TBC1D5: variants seen among roughly 807,000 people sequenced by gnomAD.
TBC1D5 encodes TBC1 domain family, member 5.
Under a neutral mutation model 100.3 loss-of-function variants are expected in TBC1D5, and 75 were observed. That is an observed-to-expected ratio of 0.75 (90% CI 0.62 to 0.91). The LOEUF (loss-of-function observed/expected upper bound fraction) is 0.91, where lower values mean the gene tolerates loss of function less well. Ranked by LOEUF, TBC1D5 falls within the 40% of genes least tolerant of loss-of-function variation. TBC1D5 has a pLI of 0.00. For missense variants in TBC1D5, 910 were observed against 942.4 expected, an observed-to-expected ratio of 0.97 and a Z score of 0.45; for synonymous variants, 323 against 325.6, an observed-to-expected ratio of 0.99 and a Z score of 0.09.
At chr3:17,331,753 A>C (rs2086890067) in intron 13 of TBC1D5, among the ~76,000 whole-genome samples, 1 of 152,242 alleles carries the variant, frequency 6.6e-6, no homozygotes, top group African/African-American at 2.4e-5. Context: ...AATCATAAAC[A>C]AAGTGAGGGA....
intron 19 of TBC1D5, among the ~76,000 whole-genome samples, chr3:17,182,951 CA>C (rs1005473628): frequency 2.6e-5 from 4 of 152,050 alleles, no homozygotes; most frequent in African/African-American, 9.7e-5. Context: ...TCTTTAAACG[CA>C]ATCTTTACCT....
chr3:17,447,008 A>G (rs2094814638), intron 3 of TBC1D5, among the ~76,000 whole-genome samples: 3 of 152,096 alleles, frequency 2.0e-5, no homozygotes, highest in African/African-American at 7.2e-5. Flanking sequence ...CATAAGAAAC[A>G]AGGAATACCA....
chr3:17,580,504 CTTA>C (rs2096686982), intron 2 of TBC1D5, among the ~76,000 whole-genome samples: 1 of 152,176 alleles, frequency 6.6e-6, no homozygotes. Flanking sequence ...CGCCTTCCTT[CTTA>C]TTAAGAATAA....
At chr3:17,406,776 C>T (rs1224983461) in intron 4 of TBC1D5, 2 of 417,074 alleles carry the variant, frequency 4.8e-6, no homozygotes, top group Non-Finnish European at 4.2e-6. Context: ...GAGGCTATTC[C>T]ATTTCCTCTA....
chr3:17,211,780 G>T (rs889709442), intron 18 of TBC1D5, among the ~76,000 whole-genome samples: 2 of 152,206 alleles, frequency 1.3e-5, no homozygotes, highest in Admixed American at 1.3e-4. Flanking sequence ...AACTGCCCTT[G>T]TTGTCCTTGC....
chr3:17,248,068 T>C (rs973837650), intron 16 of TBC1D5, among the ~76,000 whole-genome samples: 1 of 151,802 alleles, frequency 6.6e-6, no homozygotes, highest in African/African-American at 2.4e-5. Context: ...CTCTGCTCAC[T>C]GCAACCTCTG....
At chr3:17,399,899 A>G (rs1018141420) in intron 8 of TBC1D5, among the ~76,000 whole-genome samples, 2 of 152,030 alleles carry the variant, frequency 1.3e-5, no homozygotes, top group African/African-American at 4.8e-5. Flanking sequence ...TCTGGCCTTT[A>G]AATTTTTTCA....
chr3:17,462,550 G>C (rs535796231), intron 3 of TBC1D5, among the ~76,000 whole-genome samples: 9 of 151,532 alleles, frequency 5.9e-5, no homozygotes, highest in Non-Finnish European at 1.3e-4. Context: ...TGAACTCCTG[G>C]GCTCAAACAA....
chr3:17,576,992 A>G (rs985869582), intron 2 of TBC1D5, among the ~76,000 whole-genome samples: 1 of 152,058 alleles, frequency 6.6e-6, no homozygotes, highest in African/African-American at 2.4e-5. Flanking sequence ...ACAAATTTTC[A>G]TTTGAAATTT....
rs113528610 is a variant in TBC1D5, at chr3:17,395,386, C to T, written c.509+7795G>A. On this transcript the variant is annotated intron_variant, in intron 8 of 21. Transcript: ENST00000253692. Reference sequence around the variant, plus strand: ...ACTGTGTCGCAAATGGAAATACAGACTTTATTTTGAAGTTTTTCAATAATT... The same window carrying T: ...ACTGTGTCGCAAATGGAAATACAGATTTTATTTTGAAGTTTTTCAATAATT... 5.8e-3 allele frequency among the ~76,000 whole-genome samples: 877 copies of T among 152,030 alleles called. 4 individuals carry two copies. The highest frequency in any genetic ancestry group is 0.017 in the Middle Eastern group (5 of 292).
intron 13 of TBC1D5, among the ~76,000 whole-genome samples, chr3:17,350,329 G>T (rs572174161): frequency 6.6e-6 from 1 of 152,090 alleles, no homozygotes; most frequent in African/African-American, 2.4e-5. Context: ...GAATGACAAA[G>T]AATAAAAGTG....
chr3:17,673,954 G>C (rs1391279269), intron 1 of TBC1D5, among the ~76,000 whole-genome samples: 3 of 152,250 alleles, frequency 2.0e-5, no homozygotes, highest in South Asian at 2.1e-4. Flanking sequence ...TAAATAAATA[G>C]TTCTCTCATT....
chr3:17,737,388 T>C (rs1026552690), intron 1 of TBC1D5, among the ~76,000 whole-genome samples: 1 of 152,240 alleles, frequency 6.6e-6, no homozygotes, highest in African/African-American at 2.4e-5. Flanking sequence ...CTAATACTTG[T>C]GGTACAAAAC....
At chr3:17,545,586 C>T (rs2096406862) in intron 2 of TBC1D5, among the ~76,000 whole-genome samples, 1 of 152,142 alleles carries the variant, frequency 6.6e-6, no homozygotes, top group Non-Finnish European at 1.5e-5. Flanking sequence ...GTAACATTTG[C>T]CTTCAAGGTA....
At chr3:17,161,362 C>G in intron 21 of TBC1D5, 106 bp from the exon 23 acceptor site, 11 of 1,289,092 alleles carry the variant, frequency 8.5e-6, no homozygotes. Context: ...GCTAGGCCAC[C>G]TCACCCTACA....
chr3:17,410,317 T>C (rs993963887), intron 4 of TBC1D5, among the ~76,000 whole-genome samples: 3 of 152,144 alleles, frequency 2.0e-5, no homozygotes, highest in African/African-American at 7.2e-5. Context: ...TTTCAAAATA[T>C]TATTGTTCAC....
At chr3:17,240,160 T>G (rs2076192448) in intron 16 of TBC1D5, among the ~76,000 whole-genome samples, 1 of 152,204 alleles carries the variant, frequency 6.6e-6, no homozygotes, top group East Asian at 1.9e-4. Flanking sequence ...GAAAGAACAC[T>G]AGACTTCTAC....
At chr3:17,402,166 G>A (rs2152421445) in intron 8 of TBC1D5, among the ~76,000 whole-genome samples, 1 of 152,230 alleles carries the variant, frequency 6.6e-6, no homozygotes, top group South Asian at 2.1e-4. Context: ...AATTGTATTT[G>A]TTAAATATGT....
At chr3:17,619,631 A>G (rs2062481790) in intron 2 of TBC1D5, among the ~76,000 whole-genome samples, 1 of 152,258 alleles carries the variant, frequency 6.6e-6, no homozygotes, top group Non-Finnish European at 1.5e-5. Flanking sequence ...GAAAACTACA[A>G]GTACTTTTTA....
Sources: gnomAD v4.1 joint callset for allele counts (sites outside exome capture counted in the v4.1 genomes callset) on GRCh38, gnomAD v4.1.1 for gene constraint, MANE v1.5 for transcripts, NCBI Gene and HGNC (gene_info 2026-07-23, HGNC 2026-07-21) for gene names.